The following ZBTB45 variants were observed in gnomAD, a reference collection of about 807,000 sequenced individuals.
ZBTB45 encodes zinc finger and BTB domain-containing protein 45.
In ZBTB45, 22 loss-of-function variants were observed where a neutral mutation model predicts 28.4. The ratio of observed to expected loss-of-function variants is 0.77; its 90% CI spans 0.55 to 1.10. The LOEUF is 1.10. Among genes scored for constraint, ZBTB45 ranks in the 50% least tolerant of loss-of-function variants. ZBTB45 has a pLI of 0.00. For missense variants in ZBTB45, 656 were observed against 750.2 expected, an observed-to-expected ratio of 0.87 and a Z score of 1.47; for synonymous variants, 361 against 332.3, an observed-to-expected ratio of 1.09 and a Z score of -0.94.
rs1290605315 is a variant in ZBTB45, at chr19:58,515,132, G to A, written c.1280-822C>T. ...TTGAGGCCAGGAGTTCGAGACCAAC[G>A]TGGTGAAACCCCATCTCTACTAAAA... On this transcript the variant is annotated intron_variant, in intron 2 of 2. Coordinates refer to ENST00000594051, the MANE Select transcript of ZBTB45 (RefSeq NM_001316979.2). The surrounding 1 kb of genome is among the most constrained non-coding windows in gnomAD (Gnocchi z 4.7). 1.3e-5 allele frequency among the ~76,000 whole-genome samples: 2 copies of A among 151,922 alleles called. No individual in the cohort carries two copies. The highest frequency in any genetic ancestry group is 2.9e-5 in the Non-Finnish European group (2 of 67,966).
chr19:58,529,656 C>T (rs1416381204), intron 1 of ZBTB45, among the ~76,000 whole-genome samples: 1 of 152,148 alleles, frequency 6.6e-6, no homozygotes, highest in Non-Finnish European at 1.5e-5. Context: ...ATGTGCAGAA[C>T]GTGCAGTTTT....
intron 1 of ZBTB45, among the ~76,000 whole-genome samples, chr19:58,536,245 C>T (rs2053659458): frequency 6.6e-6 from 1 of 152,010 alleles, no homozygotes; most frequent in African/African-American, 2.4e-5. Context: ...ATGGGTGGAT[C>T]ATGAGGTCAG....
rs551372819 is a variant in ZBTB45 at position 58,537,828 on chromosome 19, C to T, written c.-1+873G>A. Among the ~76,000 whole-genome samples the T allele has an allele frequency of 4.0e-5, 6 of 150,570 alleles. No individual in the cohort carries two copies. In the East Asian group the frequency reaches 1.2e-3, roughly 29 times the overall value. On this transcript the variant is annotated intron_variant, in intron 1 of 1. Transcript: ENST00000600130. ...GCAGGATAGGGCTGTGGAAAGTGCT[C>T]ATCAAATATTCCTTTTTTTTTTTTT...
rs535425629 is a variant in ZBTB45, at chr19:58,536,161, T to G, written c.-1+2540A>C. On this transcript the variant is annotated intron_variant, in intron 1 of 1. Transcript: ENST00000600130. ...GCCTGGCCAACATGGTAAAACCCCC[T>G]CTCTACTAAGAATACAAAAATTGGC... Among the ~76,000 whole-genome samples, 9 of 151,682 alleles carry G rather than the reference T, an allele frequency of 5.9e-5. No homozygotes were observed. The South Asian group carries it at 1.5e-3, about 25-fold the overall frequency.
intron 1 of ZBTB45, among the ~76,000 whole-genome samples, chr19:58,537,784 C>T (rs370212458): frequency 2.6e-5 from 4 of 151,992 alleles, no homozygotes; most frequent in African/African-American, 7.3e-5. Context: ...CCCCCTCTCC[C>T]GTGATTTTGG....
In ZBTB45 at chr19:58,515,185, G is replaced by A. The variant is rs2053475695; in HGVS notation, c.1280-875C>T. On this transcript the variant is annotated intron_variant, in intron 2 of 2. Coordinates refer to ENST00000594051, the MANE Select transcript of ZBTB45 (RefSeq NM_001316979.2). This position sits in a 1 kb window ranked among gnomAD's most constrained non-coding sequence, Gnocchi z 4.7. ...ACAAAAAATAGCCGGGTGTGGTGGT[G>A]CACGCCTGTAATCCCAGCTACTTGG... Among the ~76,000 whole-genome samples, 1 of 151,934 alleles carries A rather than the reference G, an allele frequency of 6.6e-6. No homozygotes were observed.
chr19:58,516,563 T>C lies in ZBTB45; in HGVS notation c.1111A>G (p.Ser371Gly), dbSNP rs1442864333. The part of the protein sequence containing the change: ...YPTLQPEAAP[S>G]TQLGEVPAPS... ...GCCGGGACCTCCCCCAGCTGAGTAC[T>C]GGGGGCTGCCTCGGGCTGGAGTGTG... Residue 371 changes from serine to glycine, a missense_variant, in exon 2 of 3, where the codon AGT (serine) becomes GGT (glycine). Around this residue, in one of 3 missense-constraint regions of ZBTB45, gnomAD observed 448 missense variants for 444.3 expected, o/e 1.01. Coordinates refer to ENST00000594051, the MANE Select transcript of ZBTB45 (RefSeq NM_001316979.2). This position sits in a 1 kb window ranked among gnomAD's most constrained non-coding sequence, Gnocchi z 6.2. The C allele has an allele frequency of 6.3e-7, 1 of 1,590,500 alleles. No homozygotes were observed. The highest frequency in any genetic ancestry group is 8.6e-7 in the Non-Finnish European group (1 of 1,169,034).
chr19:58,528,987 G>A (rs2053622126), intron 1 of ZBTB45, among the ~76,000 whole-genome samples: 1 of 151,466 alleles, frequency 6.6e-6, no homozygotes, highest in Non-Finnish European at 1.5e-5. Context: ...GGGAGGCTGA[G>A]GCAGGAGAAT....
At chr19:58,528,592 T>C (rs1600068831) in intron 1 of ZBTB45, among the ~76,000 whole-genome samples, 1 of 151,908 alleles carries the variant, frequency 6.6e-6, no homozygotes, top group East Asian at 1.9e-4. Flanking sequence ...AAACCCCATC[T>C]CTACTAAAAA....
intron 1 of ZBTB45, among the ~76,000 whole-genome samples, chr19:58,536,093 T>C (rs544714832): frequency 6.6e-6 from 1 of 152,092 alleles, no homozygotes; most frequent in Non-Finnish European, 1.5e-5. Context: ...ATTTTTTTTT[T>C]TGAGATGGAG....
intron 2 of ZBTB45, 63 bp from the exon 3 acceptor site, chr19:58,514,373 AC>A: frequency 7.4e-7 from 1 of 1,349,406 alleles, no homozygotes. Flanking sequence ...CCCCCACCCC[AC>A]CCCACCCCCA....
intron 1 of ZBTB45, among the ~76,000 whole-genome samples, chr19:58,537,411 G>A (rs945488857): frequency 2.0e-5 from 3 of 152,166 alleles, no homozygotes; most frequent in African/African-American, 4.8e-5. Context: ...TGTGCAGAGA[G>A]AAGAGCATGG....
upstream of ZBTB45, among the ~76,000 whole-genome samples, chr19:58,522,262 A>G (rs565352158): frequency 1.2e-4 from 18 of 151,908 alleles, no homozygotes; most frequent in African/African-American, 4.1e-4. Context: ...CACAGGTTCA[A>G]GCGATTCTCC....
In ZBTB45 at chr19:58,514,064, G is replaced by C. The variant is rs2053452831; in HGVS notation, c.1526C>G (p.Pro509Arg). 1 of 1,490,848 alleles carries C rather than the reference G, an allele frequency of 6.7e-7. No individual in the cohort carries two copies. The highest frequency in any genetic ancestry group is 1.4e-5 in the African/African-American group (1 of 70,140). 92.4% of individuals were successfully genotyped at this position (1,490,848 alleles called of 1,614,324 possible). Residue 509 changes from proline to arginine, a missense_variant, in exon 3 of 3, where the codon CCT (proline) becomes CGT (arginine). Coordinates refer to ENST00000594051, the MANE Select transcript of ZBTB45 (RefSeq NM_001316979.2). The part of the protein sequence containing the change: ...ALLERHLAAH[P>R]AP ...CAGGCCCCAGCGCCATCAGGGCGCAGGGTGCGCCGCCAGGTGGCGCTCCAG... is the reference window on the plus strand; with the variant it reads ...CAGGCCCCAGCGCCATCAGGGCGCACGGTGCGCCGCCAGGTGGCGCTCCAG...
intron 1 of ZBTB45, among the ~76,000 whole-genome samples, chr19:58,531,935 C>T (rs1359137639): frequency 3.9e-5 from 6 of 152,124 alleles, no homozygotes; most frequent in Admixed American, 2.6e-4. Context: ...TGTCCCTGTA[C>T]AGTCCTTGAA....
rs748867996 is a variant in ZBTB45 at position 58,517,532 on chromosome 19, G to A, written c.142C>T (p.Arg48Cys). ...RIREASLRAH[R>C]CVLAAGSPFF... ...GGTGAGCCGGCCGCCAGCACGCAGC[G>A]GTGGGCACGCAGCGAAGCTTCACGA... is the stretch of plus-strand genomic sequence containing the variant. Residue 48 changes from arginine (R) to cysteine (C), a missense_variant, in exon 2 of 3, where the codon CGC (arginine) becomes TGC (cysteine). Physicochemically the swap from Arg to Cys is radical, Grantham distance 180. This residue lies in a region of ZBTB45 where 105 missense variants were observed against 152.4 expected (regional missense o/e 0.69). Coordinates refer to ENST00000594051, the MANE Select transcript of ZBTB45 (RefSeq NM_001316979.2). The A allele has an allele frequency of 2.4e-5, 38 of 1,613,480 alleles. No homozygotes were observed. Among genetic ancestry groups the A allele is most frequent in the Non-Finnish European group, 2.0e-5 (24 of 1,179,988 alleles).
chr19:58,513,952 G>A lies in ZBTB45; in HGVS notation c.*102C>T. The A allele has an allele frequency of 7.7e-7, 1 of 1,300,544 alleles. No homozygotes were observed. Among genetic ancestry groups the A allele is most frequent in the Non-Finnish European group, 9.9e-7 (1 of 1,012,182 alleles). 80.6% of individuals were successfully genotyped at this position (1,300,544 alleles called of 1,614,324 possible). ...GAGAGAGAGGACCTGCGCTCAGGAGGGAGCGTGGTCTAGTGGCGGGAACCA... is the reference window on the plus strand; with the variant it reads ...GAGAGAGAGGACCTGCGCTCAGGAGAGAGCGTGGTCTAGTGGCGGGAACCA... On this transcript the variant is annotated 3_prime_UTR_variant, in exon 3 of 3. Coordinates refer to ENST00000594051, the MANE Select transcript of ZBTB45 (RefSeq NM_001316979.2).
rs1403951699 is a variant in ZBTB45, at chr19:58,517,545, C to T, written c.129G>A (p.Ser43=). The change falls in exon 2 of 3, where the codon TCG becomes TCA. Residue 43 remains serine (S), a synonymous_variant. Coordinates refer to ENST00000594051, the MANE Select transcript of ZBTB45 (RefSeq NM_001316979.2). ...CCAGCACGCAGCGGTGGGCACGCAG[C>T]GAAGCTTCACGAATGCGCACAGTCA... is the stretch of plus-strand genomic sequence containing the variant. ...CDVTVRIREA[S]LRAHRCVLAA... 6 of 1,613,512 alleles carry T rather than the reference C, an allele frequency of 3.7e-6. No homozygotes were observed. Among genetic ancestry groups the T allele is most frequent in the East Asian group, 2.2e-5 (1 of 44,884 alleles).
intron 1 of ZBTB45, among the ~76,000 whole-genome samples, chr19:58,526,034 C>T (rs1193541538): frequency 6.6e-6 from 1 of 152,122 alleles, no homozygotes; most frequent in East Asian, 1.9e-4. Flanking sequence ...TCCAGACCAG[C>T]CTGACCAACT....
Sources: allele counts gnomAD v4.1 joint callset (sites outside exome capture counted in the v4.1 genomes callset), GRCh38; gene constraint gnomAD v4.1.1; regional missense constraint gnomAD v4.1.1; non-coding constraint Gnocchi (gnomAD v3.1); transcripts MANE v1.5; gene names NCBI Gene and HGNC (gene_info 2026-07-23, HGNC 2026-07-21).